Variants in WDFY4 observed in about 807,000 individuals in gnomAD.
WDFY4 encodes the protein WD repeat- and FYVE domain-containing protein 4.
A neutral mutation model predicts 351.9 loss-of-function variants in WDFY4; 169 were observed. That is an observed-to-expected ratio of 0.48 (90% CI 0.42 to 0.55). The LOEUF (loss-of-function observed/expected upper bound fraction) is 0.55, where lower values mean the gene tolerates loss of function less well. WDFY4 is among the 20% of genes least tolerant of loss of function. WDFY4 has a pLI of 0.00. For missense variants in WDFY4, 3,803 were observed against 3,935.6 expected, an observed-to-expected ratio of 0.97 and a Z score of 0.90; for synonymous variants, 1,622 against 1,574.6, an observed-to-expected ratio of 1.03 and a Z score of -0.71.
At chr10:48,976,157 G>A (rs1475844088) in intron 58 of WDFY4, among the ~76,000 whole-genome samples, 1 of 152,220 alleles carries the variant, frequency 6.6e-6, no homozygotes, top group African/African-American at 2.4e-5. Context: ...GTGAGATGTG[G>A]AGGGGCACTG....
chr10:48,894,552 A>T (rs1040967301), intron 44 of WDFY4, among the ~76,000 whole-genome samples: 1 of 152,234 alleles, frequency 6.6e-6, no homozygotes, highest in Non-Finnish European at 1.5e-5. Flanking sequence ...CCTTATGAGG[A>T]TCCAATTAAA....
At chr10:48,860,309 T>A (rs1036849349) in intron 39 of WDFY4, among the ~76,000 whole-genome samples, 4 of 152,350 alleles carry the variant, frequency 2.6e-5, no homozygotes, top group African/African-American at 9.6e-5. Context: ...TACAAGTTAC[T>A]ACCCACAGGC....
chr10:48,927,190 C>T (rs7920772), intron 47 of WDFY4, among the ~76,000 whole-genome samples: 10,447 of 152,156 alleles, frequency 0.069, 893 homozygotes, highest in African/African-American at 0.2. Flanking sequence ...AAACAGCAGC[C>T]GTCTCTATGT....
intron 52 of WDFY4, 106 bp downstream of exon 52, chr10:48,957,388 C>A: frequency 7.2e-7 from 1 of 1,396,570 alleles, no homozygotes; most frequent in Non-Finnish European, 9.7e-7. Context: ...AGGCCCTCCC[C>A]AGGACCTCAA....
chr10:48,725,279 CA>C (rs933328245), intron 5 of WDFY4, among the ~76,000 whole-genome samples: 11 of 152,264 alleles, frequency 7.2e-5, no homozygotes, highest in African/African-American at 2.2e-4. Flanking sequence ...CCCAAGAGCC[CA>C]GGGGGGAGCT....
chr10:48,963,836 T>A lies in WDFY4; in HGVS notation c.8224-6T>A. On this transcript the variant is annotated splice_polypyrimidine_tract_variant and splice_region_variant and intron_variant, in intron 53 of 61. Coordinates refer to ENST00000325239, the MANE Select transcript of WDFY4 (RefSeq NM_001394531.1). ...GGTTTTAATGCTCTTTGGGTTTTTG[T>A]TCCAGGCCCTGGAAAGTGACTTTGT... 1 of 1,551,498 alleles carries A rather than the reference T, an allele frequency of 6.4e-7. No homozygotes were observed. Among genetic ancestry groups the A allele is most frequent in the Non-Finnish European group, 8.7e-7 (1 of 1,146,970 alleles).
At chr10:48,889,723 G>A (rs568164283) in intron 43 of WDFY4, among the ~76,000 whole-genome samples, 2 of 152,324 alleles carry the variant, frequency 1.3e-5, no homozygotes, top group East Asian at 3.9e-4. Context: ...ATTGTCATGG[G>A]TCAGGTTCTG....
intron 43 of WDFY4, among the ~76,000 whole-genome samples, chr10:48,890,168 A>G (rs1286362288): frequency 6.6e-6 from 1 of 152,194 alleles, no homozygotes; most frequent in Non-Finnish European, 1.5e-5. Context: ...TCAACCATGT[A>G]CTGGCTGGTC....
At chr10:48,823,059 T>C in intron 35 of WDFY4, 4 of 1,132,568 alleles carry the variant, frequency 3.5e-6, no homozygotes, top group Non-Finnish European at 4.7e-6. Context: ...TACCTACCTG[T>C]ACAAATGCAT....
intron 1 of WDFY4, among the ~76,000 whole-genome samples, chr10:48,692,839 C>T (rs1051027250): frequency 6.6e-6 from 1 of 152,206 alleles, no homozygotes; most frequent in East Asian, 1.9e-4. Flanking sequence ...GAGATCGTAT[C>T]TTGATGCAGC....
intron 11 of WDFY4, among the ~76,000 whole-genome samples, chr10:48,738,029 T>G (rs1018114318): frequency 1.3e-5 from 2 of 152,338 alleles, no homozygotes; most frequent in South Asian, 2.1e-4. Flanking sequence ...CCTTCATATG[T>G]CCATGTTCAG....
chr10:48,839,776 G>A (rs116636938), intron 39 of WDFY4, among the ~76,000 whole-genome samples: 1,622 of 152,292 alleles, frequency 0.011, 27 homozygotes, highest in African/African-American at 0.037. Flanking sequence ...TAATTAAAGA[G>A]GACTATCTGT....
intron 1 of WDFY4, among the ~76,000 whole-genome samples, chr10:48,688,658 A>G (rs927008175): frequency 1.3e-5 from 2 of 152,186 alleles, no homozygotes; most frequent in Admixed American, 6.5e-5. Context: ...GTGTCATGTG[A>G]AGATTGTAGG....
At chr10:48,863,663 T>C (rs1223098299) in intron 39 of WDFY4, among the ~76,000 whole-genome samples, 4 of 152,224 alleles carry the variant, frequency 2.6e-5, no homozygotes, top group Non-Finnish European at 4.4e-5. Context: ...TACTTTCTAA[T>C]AGTGTCTTTC....
At position 48,806,963 on chromosome 10, in the gene WDFY4, A is replaced by G. The variant is rs1441155904; in HGVS notation, c.4738+868A>G. 2.0e-5 allele frequency among the ~76,000 whole-genome samples: 3 copies of G among 152,220 alleles called. No individual in the cohort carries two copies. In the East Asian group the frequency reaches 5.8e-4, roughly 29 times the overall value. The stretch of plus-strand genomic sequence containing the variant: ...TTATCATCACAAAAGAGTCTCCTGG[A>G]TAGCATTTTTTAATCTAGATAAAGT... On this transcript the variant is annotated intron_variant, in intron 27 of 61. Transcript: ENST00000325239.
chr10:48,944,952 C>CA (rs1354572643), intron 49 of WDFY4, among the ~76,000 whole-genome samples: 1 of 151,740 alleles, frequency 6.6e-6, no homozygotes, highest in African/African-American at 2.4e-5. Context: ...GTGTCCCCTC[C>CA]AGCACTCACT....
chr10:48,978,349 G>C lies in WDFY4; in HGVS notation c.9332G>C (p.Arg3111Pro), dbSNP rs1403277124. Reference protein sequence around the residue: ...TEDVKMSVPGRPAGEEPPAQP... With the variant: ...TEDVKMSVPGPPAGEEPPAQP... The stretch of plus-strand genomic sequence containing the variant: ...GATGTGAAGATGTCTGTTCCTGGAC[G>C]GCCAGCAGGAGAGGAGCCCCCGGCT... The change falls in exon 60 of 62, where the codon CGG becomes CCG. Residue 3111 changes from arginine (R) to proline (P), a missense_variant. This residue lies in a region of WDFY4 where 3,054 missense variants were observed against 3,148.6 expected (regional missense o/e 0.97). Coordinates refer to ENST00000325239, the MANE Select transcript of WDFY4 (RefSeq NM_001394531.1). 10 of 1,551,382 alleles carry C rather than the reference G, an allele frequency of 6.4e-6. No homozygotes were observed. The highest frequency in any genetic ancestry group is 1.2e-5 in the South Asian group (1 of 84,036).
chr10:48,901,914 T>C, intron 47 of WDFY4, 51 bp downstream of exon 47: 1 of 1,500,940 alleles, frequency 6.7e-7, no homozygotes. Flanking sequence ...CTGGCTTTGA[T>C]GTTCCTCCTC....
At chr10:48,738,308 T>C (rs2064739233) in intron 11 of WDFY4, among the ~76,000 whole-genome samples, 1 of 152,266 alleles carries the variant, frequency 6.6e-6, no homozygotes, top group Admixed American at 6.5e-5. Flanking sequence ...GTGTCAGCCC[T>C]TGGGCAATAG....
Sources: allele counts gnomAD v4.1 joint callset (sites outside exome capture counted in the v4.1 genomes callset), GRCh38; gene constraint gnomAD v4.1.1; regional missense constraint gnomAD v4.1.1; transcripts MANE v1.5; gene names NCBI Gene and HGNC (gene_info 2026-07-23, HGNC 2026-07-21).